Variants in CAMK2D observed in about 807,000 individuals in gnomAD.
CAMK2D encodes the protein calcium/calmodulin-dependent protein kinase type II subunit delta.
In CAMK2D, 37 loss-of-function variants were observed where a neutral mutation model predicts 84.0. The ratio of observed to expected loss-of-function variants is 0.44; its 90% confidence interval spans 0.34 to 0.58. CAMK2D has a LOEUF of 0.58. CAMK2D is among the 20% of genes least tolerant of loss of function. CAMK2D has a pLI of 0.02. For missense variants in CAMK2D, 448 were observed against 652.5 expected (o/e 0.69, Z 3.41); for synonymous variants, 202 against 212.5 (o/e 0.95, Z 0.43).
At chr4:113,626,013 C>CA (rs111374173) in intron 3 of CAMK2D, among the ~76,000 whole-genome samples, 303 of 120,150 alleles carry the variant, frequency 2.5e-3, no homozygotes, top group Middle Eastern at 8.5e-3. Flanking sequence ...GATATCATCT[C>CA]AAAAAAAAAA....
chr4:113,495,003 G>A lies in CAMK2D; in HGVS notation c.1135+5460C>T, dbSNP rs185528203. 3.8e-3 allele frequency among the ~76,000 whole-genome samples: 576 copies of A among 152,270 alleles called. 4 individuals are homozygous for A. The highest frequency in any genetic ancestry group is 0.013 in the African/African-American group (533 of 41,554). Reference sequence around the variant, plus strand: ...AATGCCTTGCCCTGCTTCGGCTCACGCACGGTGCGCGCACCCACTGACCTG... The same window carrying A: ...AATGCCTTGCCCTGCTTCGGCTCACACACGGTGCGCGCACCCACTGACCTG... On this transcript the variant is annotated intron_variant, in intron 16 of 20. Transcript: ENST00000511664.
intron 8 of CAMK2D, among the ~76,000 whole-genome samples, chr4:113,526,414 A>ATGTGTGTGTGTGTGTG (rs35503858): frequency 6.7e-6 from 1 of 149,568 alleles, no homozygotes; most frequent in African/African-American, 2.5e-5. Flanking sequence ...GTCATTCTTG[A>ATGTGTGTGTGTGTGTG]TGTGTGTGTG....
chr4:113,634,683 A>G (rs2099103134), intron 3 of CAMK2D, among the ~76,000 whole-genome samples: 3 of 152,236 alleles, frequency 2.0e-5, no homozygotes, highest in Non-Finnish European at 4.4e-5. Flanking sequence ...TTGTTTCTAC[A>G]TATTAATTTG....
intron 9 of CAMK2D, among the ~76,000 whole-genome samples, chr4:113,517,281 T>C (rs1376194538): frequency 2.6e-5 from 4 of 152,170 alleles, no homozygotes; most frequent in Admixed American, 1.3e-4. Context: ...AATATTTTAA[T>C]TTTTATGTTT....
chr4:113,514,653 A>G (rs1237080361), intron 10 of CAMK2D, among the ~76,000 whole-genome samples: 1 of 152,118 alleles, frequency 6.6e-6, no homozygotes, highest in Non-Finnish European at 1.5e-5. Flanking sequence ...TATGACCATT[A>G]TTTTACGCCA....
intron 2 of CAMK2D, among the ~76,000 whole-genome samples, chr4:113,739,133 C>T (rs543380963): frequency 2.4e-4 from 37 of 152,214 alleles, no homozygotes; most frequent in African/African-American, 7.2e-4. Context: ...TGCAAAAGAA[C>T]TGAAATTCAA....
At chr4:113,687,244 T>C (rs1383658439) in intron 2 of CAMK2D, among the ~76,000 whole-genome samples, 1 of 152,222 alleles carries the variant, frequency 6.6e-6, no homozygotes, top group Non-Finnish European at 1.5e-5. Context: ...AAACACATAT[T>C]GGAGTATGTG....
Position 113,457,507 on chromosome 4 carries a change from G to A in CAMK2D, c.1363C>T (p.Leu455=), listed in dbSNP as rs762742010. ...HTIILNPHVH[L]VGDDAACIAY... The stretch of plus-strand genomic sequence containing the variant: ...ATGCAGGCGGCATCATCCCCTACCA[G>A]ATGTACATGAGGGTTTAGAATAATA... The change falls in exon 19 of 21, where the codon CTG becomes TTG. Residue 455 remains leucine, a synonymous_variant. Transcript: ENST00000511664. 4 of 1,613,092 alleles carry A rather than the reference G, an allele frequency of 2.5e-6. No homozygotes were observed. Among genetic ancestry groups the A allele is most frequent in the Non-Finnish European group, 3.4e-6 (4 of 1,179,206 alleles).
intron 4 of CAMK2D, among the ~76,000 whole-genome samples, chr4:113,578,198 G>T (rs570422479): frequency 2.0e-5 from 3 of 152,152 alleles, no homozygotes; most frequent in African/African-American, 7.2e-5. Context: ...GCAATGAAAT[G>T]TCCATTCAAT....
At chr4:113,604,364 G>T (rs1261344054) in intron 4 of CAMK2D, among the ~76,000 whole-genome samples, 5 of 151,774 alleles carry the variant, frequency 3.3e-5, no homozygotes, top group African/African-American at 1.2e-4. Context: ...TGAGAAATTA[G>T]ACACTTATAT....
chr4:113,480,296 T>A (rs1340764459), intron 16 of CAMK2D, among the ~76,000 whole-genome samples: 1 of 152,046 alleles, frequency 6.6e-6, no homozygotes, highest in Non-Finnish European at 1.5e-5. Context: ...ATTGTACATA[T>A]GACTCAGAAT....
intron 9 of CAMK2D, among the ~76,000 whole-genome samples, chr4:113,515,644 T>C (rs891227605): frequency 2.0e-5 from 3 of 152,174 alleles, no homozygotes; most frequent in African/African-American, 7.2e-5. Flanking sequence ...ATTATATACT[T>C]TCACAACTCA....
intron 13 of CAMK2D, among the ~76,000 whole-genome samples, chr4:113,506,201 G>C (rs375662216): frequency 1.3e-5 from 2 of 152,082 alleles, no homozygotes; most frequent in Admixed American, 1.3e-4. Context: ...GTCTATATCT[G>C]ATAACTATAT....
chr4:113,603,162 C>T (rs1174608149), intron 4 of CAMK2D, among the ~76,000 whole-genome samples: 1 of 152,128 alleles, frequency 6.6e-6, no homozygotes, highest in Non-Finnish European at 1.5e-5. Flanking sequence ...TGAAAAAAAT[C>T]AGGGCAGTTC....
chr4:113,704,214 A>G (rs114589957), intron 2 of CAMK2D, among the ~76,000 whole-genome samples: 2,848 of 152,174 alleles, frequency 0.019, 85 homozygotes, highest in African/African-American at 0.065. Context: ...TCCCCTCTCA[A>G]TAATCTAACA....
At chr4:113,570,890 C>A (rs754156542) in intron 4 of CAMK2D, among the ~76,000 whole-genome samples, 1 of 152,022 alleles carries the variant, frequency 6.6e-6, no homozygotes, top group Non-Finnish European at 1.5e-5. Flanking sequence ...TATTTGCAAA[C>A]CATACATCTG....
intron 4 of CAMK2D, among the ~76,000 whole-genome samples, chr4:113,573,568 CAACAGTT>C (rs2098764912): frequency 6.6e-6 from 1 of 152,164 alleles, no homozygotes; most frequent in Admixed American, 6.5e-5. Flanking sequence ...AACGTGGGTG[CAACAGTT>C]AATTGAATAA....
At chr4:113,605,423 T>A (rs1025915723) in intron 4 of CAMK2D, among the ~76,000 whole-genome samples, 5 of 152,220 alleles carry the variant, frequency 3.3e-5, no homozygotes, top group Admixed American at 2.0e-4. Context: ...TTAATTCTCA[T>A]GCCCCAGGCA....
At chr4:113,687,767 A>G (rs752747565) in intron 2 of CAMK2D, among the ~76,000 whole-genome samples, 56 of 152,176 alleles carry the variant, frequency 3.7e-4, no homozygotes, top group Non-Finnish European at 6.9e-4. Flanking sequence ...CCAAATACAA[A>G]TGGACTGTTT....
Sources: allele counts gnomAD v4.1 joint callset (sites outside exome capture counted in the v4.1 genomes callset), GRCh38; gene constraint gnomAD v4.1.1; transcripts MANE v1.5; gene names NCBI Gene and HGNC (gene_info 2026-07-23, HGNC 2026-07-21).